The following NOD1 variants were observed in gnomAD, a reference collection of about 807,000 sequenced individuals.
NOD1 encodes nucleotide binding oligomerization domain containing 1.
A neutral mutation model predicts 81.2 loss-of-function variants in NOD1; 70 were observed. The ratio of observed to expected loss-of-function variants is 0.86; its 90% CI spans 0.71 to 1.05. The LOEUF is 1.05. Among genes scored for constraint, NOD1 ranks in the 50% least tolerant of loss-of-function variants. NOD1 has a pLI of 0.00. For synonymous variants in NOD1, 508 were observed against 526.9 expected (o/e 0.96, Z 0.49); for missense variants, 1,233 against 1,228.0 (o/e 1.00, Z -0.06).
chr7:30,466,944 G>C (rs1340014501), intron 1 of NOD1, among the ~76,000 whole-genome samples: 1 of 152,008 alleles, frequency 6.6e-6, no homozygotes, highest in East Asian at 1.9e-4. Flanking sequence ...AACTTGTGTT[G>C]GGTCCTGCCA....
Position 30,451,730 on chromosome 7 carries a change from G to A in NOD1, c.1687C>T (p.Leu563Phe). 1 of 1,613,830 alleles carries A rather than the reference G, an allele frequency of 6.2e-7. No homozygotes were observed. The highest frequency in any genetic ancestry group is 8.5e-7 in the Non-Finnish European group (1 of 1,180,008). Residue 563 changes from leucine to phenylalanine, a missense_variant, in exon 6 of 14, where the codon CTC becomes TTC. Coordinates refer to ENST00000222823, the MANE Select transcript of NOD1 (RefSeq NM_006092.4). This position sits in a 1 kb window ranked among gnomAD's most constrained non-coding sequence, Gnocchi z 4.2. ...AATTSCYPPF[L>F]PFQCLQGSGP... Reference sequence around the variant, plus strand: ...CTGCCCTGCAGGCACTGGAACGGGAGGAAGGGAGGATAGCAGGACGTGGTC... The same window carrying A: ...CTGCCCTGCAGGCACTGGAACGGGAAGAAGGGAGGATAGCAGGACGTGGTC...
intron 9 of NOD1, among the ~76,000 whole-genome samples, chr7:30,445,671 A>T (rs1319028120): frequency 2.0e-5 from 3 of 149,908 alleles, no homozygotes; most frequent in African/African-American, 7.4e-5. Context: ...AGGCGAGAGA[A>T]TCGCTTGAAC....
At position 30,436,019 on chromosome 7, in the gene NOD1, T is replaced by C. The variant is rs768367069; in HGVS notation, c.2600A>G (p.Asn867Ser). Reference protein sequence around the residue: ...GKSLARALQQNTSLEILWLTQ... With the variant: ...GKSLARALQQSTSLEILWLTQ... ...TTACCACAGTATTTCTAGAGACGTGTTCTGCTGCAGGGCCCTCGCAAGGCT... is the reference window on the plus strand; with the variant it reads ...TTACCACAGTATTTCTAGAGACGTGCTCTGCTGCAGGGCCCTCGCAAGGCT... Residue 867 changes from asparagine (N) to serine (S), a missense_variant, in exon 11 of 14, where the codon AAC (asparagine) becomes AGC (serine). By Grantham distance (46) the Asn-to-Ser change is conservative. Coordinates refer to ENST00000222823, the MANE Select transcript of NOD1 (RefSeq NM_006092.4). The C allele has an allele frequency of 1.2e-6, 2 of 1,613,922 alleles. No individual in the cohort carries two copies. Among genetic ancestry groups the C allele is most frequent in the African/African-American group, 2.7e-5 (2 of 74,938 alleles).
rs371437080 is a variant in NOD1 at position 30,466,447 on chromosome 7, G to A, written c.-351-6406C>T. ...GCTCAGGCCCACAAATAACCACAAT[G>A]AGTAGCTCTTGCCAACTCGCAAAGG... On this transcript the variant is annotated intron_variant, in intron 1 of 13. Transcript: ENST00000222823. Among the ~76,000 whole-genome samples the A allele has an allele frequency of 1.6e-4, 24 of 152,108 alleles. No individual in the cohort carries two copies. The East Asian group carries it at 2.5e-3, about 16-fold the overall frequency.
chr7:30,466,621 C>T (rs548718881), intron 1 of NOD1, among the ~76,000 whole-genome samples: 4 of 152,266 alleles, frequency 2.6e-5, no homozygotes, highest in African/African-American at 9.6e-5. Context: ...GAGCTATGAT[C>T]ACACCACTGT....
intron 6 of NOD1, among the ~76,000 whole-genome samples, chr7:30,449,924 G>A (rs1016252166): frequency 1.3e-5 from 2 of 152,130 alleles, no homozygotes; most frequent in South Asian, 2.1e-4. Flanking sequence ...CGGGTGCGGC[G>A]GCTCATGCCT....
intron 2 of NOD1, among the ~76,000 whole-genome samples, chr7:30,459,555 C>T (rs1021466227): frequency 1.3e-5 from 2 of 152,160 alleles, no homozygotes; most frequent in Non-Finnish European, 1.5e-5. Flanking sequence ...ATATCCTTTG[C>T]AATACATAGA....
chr7:30,472,890 A>G (rs1156382275), intron 1 of NOD1, among the ~76,000 whole-genome samples: 1 of 152,200 alleles, frequency 6.6e-6, no homozygotes, highest in Admixed American at 6.5e-5. Context: ...GCAGCCTCCA[A>G]ATTCCATATG....
chr7:30,424,723 G>A lies in NOD1; in HGVS notation c.*915C>T, dbSNP rs772999272. 1 of 152,132 alleles carries A rather than the reference G, an allele frequency of 6.6e-6. No individual in the cohort carries two copies. Among genetic ancestry groups the A allele is most frequent in the Non-Finnish European group, 1.5e-5 (1 of 68,076 alleles). The allele number at this position is 152,132 out of a possible 1,614,324, so 9.4% of individuals were successfully genotyped here. ...TTAGTCACCCTTCAGCTGCTTGGGAGGCAGGAAGAGACTTCCCCTCTTCAC... is the reference window on the plus strand; with the variant it reads ...TTAGTCACCCTTCAGCTGCTTGGGAAGCAGGAAGAGACTTCCCCTCTTCAC... On this transcript the variant is annotated 3_prime_UTR_variant, in exon 14 of 14. Coordinates refer to ENST00000222823, the MANE Select transcript of NOD1 (RefSeq NM_006092.4).
chr7:30,447,319 C>T, intron 7 of NOD1: 1 of 492,842 alleles, frequency 2.0e-6, no homozygotes, highest in Non-Finnish European at 3.8e-6. Flanking sequence ...TGATGATAGT[C>T]CCCTTGCAGG....
chr7:30,461,998 A>G (rs1787136385), intron 1 of NOD1, among the ~76,000 whole-genome samples: 2 of 152,200 alleles, frequency 1.3e-5, no homozygotes, highest in South Asian at 4.1e-4. Flanking sequence ...TCGGCCTCCC[A>G]AAGTGCTGGG....
chr7:30,449,356 A>C (rs1785445895), intron 6 of NOD1, among the ~76,000 whole-genome samples: 1 of 152,198 alleles, frequency 6.6e-6, no homozygotes, highest in African/African-American at 2.4e-5. Flanking sequence ...TTAGCAATAG[A>C]TTCCCCCATC....
chr7:30,436,291 G>A (rs964383837), intron 10 of NOD1, among the ~76,000 whole-genome samples: 4 of 152,206 alleles, frequency 2.6e-5, no homozygotes, highest in South Asian at 2.1e-4. Flanking sequence ...CAGGCTGGAC[G>A]GGAAATGGGT....
rs1286773997 is a variant in NOD1 at position 30,447,306 on chromosome 7, T to C, written c.2286-256A>G. 9.6e-6 allele frequency: 5 copies of C among 520,434 alleles called. No individual in the cohort carries two copies. The East Asian group carries it at 1.9e-4, about 20-fold the overall frequency. The allele number at this position is 520,434 out of a possible 1,614,324, so 32.2% of individuals were successfully genotyped here. ...AGTTTCTCCATCTGTAATACAGAGG[T>C]AATGATGATAGTCCCCTTGCAGGGT... On this transcript the variant is annotated intron_variant, in intron 7 of 13. Transcript: ENST00000222823.
At chr7:30,474,257 T>C (rs541174153) in intron 1 of NOD1, among the ~76,000 whole-genome samples, 1 of 152,354 alleles carries the variant, frequency 6.6e-6, no homozygotes, top group South Asian at 2.1e-4. Context: ...TACTAGAAGC[T>C]GGGTGATGTG....
intron 1 of NOD1, among the ~76,000 whole-genome samples, chr7:30,470,973 T>C (rs754393500): frequency 1.3e-5 from 2 of 152,126 alleles, no homozygotes; most frequent in Non-Finnish European, 2.9e-5. Flanking sequence ...ACAGAAAGTG[T>C]CTGGGGCTTA....
At position 30,437,649 on chromosome 7, in the gene NOD1, C is replaced by T. The variant is rs1273063336; in HGVS notation, c.2461G>A (p.Gly821Ser). The T allele has an allele frequency of 6.6e-7, 1 of 1,516,438 alleles. No homozygotes were observed. 93.9% of individuals were successfully genotyped at this position (1,516,438 alleles called of 1,614,324 possible). A position where few individuals can be genotyped will look rare whatever the true frequency, so the allele number is the denominator to read the frequency against. ...GCTCCTTCATCCCCAACTTGATTGC[C>T]CCACATCCTGAGGGAGGAGACAAGA... ...SKSISEVGMW[G>S]NQVGDEGAKA... The change falls in exon 10 of 14, where the codon GGC (glycine) becomes AGC (serine). Residue 821 changes from glycine to serine, a missense_variant. Gly to Ser is a moderately conservative substitution (Grantham distance 56). Coordinates refer to ENST00000222823, the MANE Select transcript of NOD1 (RefSeq NM_006092.4).
At position 30,452,348 on chromosome 7, in the gene NOD1, G is replaced by A. The variant is rs201279601; in HGVS notation, c.1069C>T (p.Leu357=). ...VLLRGFSPSH[L]RAYARRMFPE... ...AACATCCTCCTGGCATAGGCGCGCA[G>A]GTGGCTGGGGGAGAAGCCCCGGAGA... Residue 357 remains leucine, a synonymous_variant, in exon 6 of 14, where the codon CTG becomes TTG. Transcript: ENST00000222823. 1.2e-6 allele frequency: 2 copies of A among 1,613,392 alleles called. No individual in the cohort carries two copies. Among genetic ancestry groups the A allele is most frequent in the South Asian group, 2.2e-5 (2 of 91,086 alleles).
chr7:30,461,246 C>T (rs1340055355), intron 1 of NOD1, among the ~76,000 whole-genome samples: 2 of 151,964 alleles, frequency 1.3e-5, no homozygotes, highest in African/African-American at 2.4e-5. Flanking sequence ...GGCGCAATCT[C>T]GGCTCACTGC....
Sources: allele counts gnomAD v4.1 joint callset (sites outside exome capture counted in the v4.1 genomes callset), GRCh38; gene constraint gnomAD v4.1.1; non-coding constraint Gnocchi (gnomAD v3.1); transcripts MANE v1.5; gene names NCBI Gene and HGNC (gene_info 2026-07-23, HGNC 2026-07-21).